Variants in ZNF846 observed in about 807,000 individuals in gnomAD.
ZNF846 encodes zinc finger protein 846, also known as zinc finger protein 420 pseudogene.
ZNF846 carries 15 observed loss-of-function variants against 16.0 expected under a neutral mutation model. The ratio of observed to expected loss-of-function variants is 0.94; its 90% CI spans 0.63 to 1.45. ZNF846 has a LOEUF of 1.45. ZNF846 is among the 40% of genes most tolerant of loss of function. The probability of loss-of-function intolerance (pLI) is 0.00; values close to 1 mark genes in which losing one functional copy is unlikely to be tolerated. For missense variants in ZNF846, 714 were observed against 622.3 expected, an observed-to-expected ratio of 1.15 and a Z score of -1.57; for synonymous variants, 229 against 212.0, an observed-to-expected ratio of 1.08 and a Z score of -0.70.
At chr19:9,782,747 T>C (rs184041871) in intron 1 of ZNF846, among the ~76,000 whole-genome samples, 9 of 152,322 alleles carry the variant, frequency 5.9e-5, no homozygotes, top group South Asian at 4.1e-4. Flanking sequence ...AATACACAGC[T>C]AGATGGAAAA....
rs372925810 is a variant in ZNF846, at chr19:9,757,775, G to A, written c.1302C>T (p.Ser434=). 7 of 1,613,498 alleles carry A rather than the reference G, an allele frequency of 4.3e-6. No individual in the cohort carries two copies. The African/African-American group carries it at 9.4e-5, about 22-fold the overall frequency. ...TTCTTAAATGGGTACTAAGGCCCGA[G>A]GATTGAGTGAAAGCTTTCCCACATT... Residue 434 remains serine, a synonymous_variant, in exon 6 of 6, where the codon TCC becomes TCT. Coordinates refer to ENST00000397902, the Ensembl canonical transcript of ZNF846.
chr19:9,764,949 A>C, exon 2 of ZNF846: 2 of 1,614,198 alleles, frequency 1.2e-6, no homozygotes, highest in Non-Finnish European at 1.7e-6. Flanking sequence ...AGAAGAATCC[A>C]TCAGTAATCC....
downstream of ZNF846, among the ~76,000 whole-genome samples, chr19:9,752,688 T>G (rs1402649732): frequency 1.3e-5 from 2 of 151,680 alleles, no homozygotes; most frequent in African/African-American, 4.8e-5. Context: ...ATTCTCTCAT[T>G]CTAGAATGCC....
intron 2 of ZNF846, 181 bp from the exon 3 acceptor site, chr19:9,763,589 C>T: frequency 2.2e-6 from 1 of 458,392 alleles, no homozygotes; most frequent in South Asian, 6.3e-5. Context: ...ATCAGCATCA[C>T]TGAAACATGA....
chr19:9,766,278 G>A (rs149089167), intron 1 of ZNF846, among the ~76,000 whole-genome samples: 12 of 152,028 alleles, frequency 7.9e-5, no homozygotes, highest in Non-Finnish European at 1.5e-5. Context: ...AGAAAAATGG[G>A]TGGCTCACAC....
chr19:9,764,952 A>T, exon 2 of ZNF846: 1 of 1,614,194 alleles, frequency 6.2e-7, no homozygotes, highest in Non-Finnish European at 8.5e-7. Context: ...AGAATCCATC[A>T]GTAATCCATC....
intron 2 of ZNF846, 125 bp from the exon 3 acceptor site, chr19:9,763,533 C>T: frequency 1.3e-6 from 1 of 789,990 alleles, no homozygotes; most frequent in Non-Finnish European, 1.9e-6. Context: ...GCCTCTTCTC[C>T]TCTATATAGA....
chr19:9,777,795 G>C (rs936157547), intron 1 of ZNF846, among the ~76,000 whole-genome samples: 5 of 152,024 alleles, frequency 3.3e-5, no homozygotes, highest in African/African-American at 1.2e-4. Flanking sequence ...TCAGGAGTCT[G>C]AGACCAAGCT....
At chr19:9,785,200 AT>A (rs36014913) in intron 1 of ZNF846, among the ~76,000 whole-genome samples, 2,917 of 114,628 alleles carry the variant, frequency 0.025, 49 homozygotes, top group African/African-American at 0.082. Context: ...CTTCACCGAG[AT>A]TTTTTTTTTT....
chr19:9,774,528 T>G, intron 1 of ZNF846: 2 of 1,336,516 alleles, frequency 1.5e-6, no homozygotes, highest in Non-Finnish European at 2.2e-6. Context: ...ATTAAGAGCT[T>G]GAGGAAATCT....
At chr19:9,758,119 T>C (rs778892444) in exon 6 of ZNF846, 4 of 1,613,654 alleles carry the variant, frequency 2.5e-6, no homozygotes, top group Non-Finnish European at 1.7e-6. Flanking sequence ...GTGGATCTAG[T>C]GAAGGCTTTT....
chr19:9,765,103 T>A (rs1221830139), intron 1 of ZNF846, 68 bp from the exon 2 acceptor site: 2 of 842,108 alleles, frequency 2.4e-6, no homozygotes, highest in Admixed American at 3.7e-5. Context: ...CTAGGCATGG[T>A]GGCTCATGCC....
rs145520409 is a variant in ZNF846 at position 9,759,086 on chromosome 19, C to T, written c.313-322G>A. ...CGATCTTGACTCACAGCAATCTCTG[C>T]CTCCCAGTTCAAGGGATTCTCAGGC... On this transcript the variant is annotated intron_variant, in intron 5 of 5. Transcript: ENST00000397902. 1.3e-4 allele frequency among the ~76,000 whole-genome samples: 20 copies of T among 151,912 alleles called. 1 individual carries two copies. Among genetic ancestry groups the T allele is most frequent in the Middle Eastern group, 3.4e-3 (1 of 294 alleles).
intron 5 of ZNF846, among the ~76,000 whole-genome samples, chr19:9,759,381 T>A (rs1183547511): frequency 6.6e-6 from 1 of 151,456 alleles, no homozygotes; most frequent in Non-Finnish European, 1.5e-5. Flanking sequence ...GCAGGTGGAT[T>A]GCTTTGAGCT....
At chr19:9,770,055 T>C (rs906849650), upstream of ZNF846, among the ~76,000 whole-genome samples, 1 of 152,162 alleles carries the variant, frequency 6.6e-6, no homozygotes, top group East Asian at 1.9e-4. Flanking sequence ...GTTCCTTCTT[T>C]AGGCCTTTAG....
At chr19:9,774,641 G>C (rs1282943926) in intron 1 of ZNF846, 2 of 1,445,150 alleles carry the variant, frequency 1.4e-6, no homozygotes, top group African/African-American at 2.8e-5. Context: ...ATATGATTAG[G>C]TGACCTTCAG....
chr19:9,756,345 G>GTGTGTGTATATATATATATA (rs1321690890), downstream of ZNF846: 2 of 81,774 alleles, frequency 2.4e-5, no homozygotes, highest in African/African-American at 1.2e-4. Flanking sequence ...GTGTGTGTGT[G>GTGTGTGTATATATATATATA]TATATATATA....
At chr19:9,748,662 T>A (rs2045062581), downstream of ZNF846, among the ~76,000 whole-genome samples, 1 of 151,582 alleles carries the variant, frequency 6.6e-6, no homozygotes, top group African/African-American at 2.4e-5. Context: ...TTGGTAGAAC[T>A]AATGGTCTTT....
chr19:9,758,750 A>G, exon 6 of ZNF846: 1 of 1,571,648 alleles, frequency 6.4e-7, no homozygotes, highest in South Asian at 1.2e-5. Context: ...GTTTCTCTGC[A>G]GTATTGCTTC....
Sources: gnomAD v4.1 joint callset for allele counts (sites outside exome capture counted in the v4.1 genomes callset) on GRCh38, gnomAD v4.1.1 for gene constraint, MANE v1.5 for transcripts, NCBI Gene and HGNC (gene_info 2026-07-23, HGNC 2026-07-21) for gene names.